Variants in TAF11L2 observed in about 807,000 individuals in gnomAD.
The protein encoded by TAF11L2 is TATA-box binding protein associated factor 11 like protein 2.
chr5:17,498,549 T>G lies in TAF11L2; in HGVS notation c.319T>G (p.Ser107Ala), dbSNP rs183508397. 583 of 398,898 alleles carry G rather than the reference T, an allele frequency of 1.5e-3. 5 individuals are homozygous for G. The East Asian group carries it at 0.018, about 13-fold the overall frequency. The allele number at this position is 398,898 out of a possible 1,614,324, so 24.7% of individuals were successfully genotyped here. A position where few individuals can be genotyped will look rare whatever the true frequency, so the allele number is the denominator to read the frequency against. The change falls in exon 1 of 1, where the codon TCC (serine) becomes GCC (alanine). Residue 107 changes from serine to alanine, a missense_variant. Coordinates refer to ENST00000639081, the Ensembl canonical transcript of TAF11L2. ...GTCTGCCATGTCTGAGGAGCAGCTG[T>G]CCCGCTACGAAGTGTGTCGCCGGTC...
chr5:17,498,321 G>C (rs1198394268), exon 1 of TAF11L2: 10 of 398,430 alleles, frequency 2.5e-5, no homozygotes, highest in Non-Finnish European at 4.0e-5. Context: ...AATCCCTGAG[G>C]ACCTAGATGG....
chr5:17,498,815 A>T (rs1405137809), exon 1 of TAF11L2: 1 of 398,636 alleles, frequency 2.5e-6, no homozygotes, highest in Non-Finnish European at 4.4e-6. Flanking sequence ...ACTACAAAAA[A>T]ATCATGTTCT....
At position 17,498,794 on chromosome 5, in the gene TAF11L2, C is replaced by G. The variant is rs1226230278; in HGVS notation, c.564C>G (p.Phe188Leu). The G allele has an allele frequency of 2.3e-5, 9 of 398,546 alleles. 2 individuals carry two copies. Among genetic ancestry groups the G allele is most frequent in the African/African-American group, 1.9e-4 (9 of 48,276 alleles). The allele number at this position is 398,546 out of a possible 1,614,324, so 24.7% of individuals were successfully genotyped here. Residue 188 changes from phenylalanine (F) to leucine (L), a missense_variant, in exon 1 of 1, where the codon TTC (phenylalanine) becomes TTG (leucine). Transcript: ENST00000639081. ...GCAGGTTAAAGCCCAAGGGCCTCTT[C>G]CCCAACAGCAACTACAAAAAAATCA...
chr5:17,498,588 G>T (rs192442397), exon 1 of TAF11L2: 4 of 398,864 alleles, frequency 1.0e-5, no homozygotes, highest in Admixed American at 4.4e-5. Context: ...TTTCCCAAAA[G>T]CATGCATTGC....
exon 1 of TAF11L2, chr5:17,498,494 A>G (rs200573486): frequency 2.8e-5 from 11 of 398,862 alleles, no homozygotes; most frequent in South Asian, 1.3e-4. Flanking sequence ...CTGTGGATGC[A>G]GAGGAGGCTC....
exon 1 of TAF11L2, chr5:17,498,516 A>G (rs1018754650): frequency 7.5e-6 from 3 of 398,668 alleles, no homozygotes; most frequent in African/African-American, 2.1e-5. Flanking sequence ...GAGGATGACA[A>G]CCCTGCTGTC....
chr5:17,498,612 T>G (rs552828014), exon 1 of TAF11L2: 37 of 398,778 alleles, frequency 9.3e-5, no homozygotes, highest in African/African-American at 6.6e-4. Context: ...TCTGATGCGG[T>G]CTATCACTGG....
At chr5:17,498,779 G>A (rs2126319100) in exon 1 of TAF11L2, 1 of 398,668 alleles carries the variant, frequency 2.5e-6, no homozygotes, top group Admixed American at 4.4e-5. Flanking sequence ...GCAGGTTAAA[G>A]CCCAAGGGCC....
exon 1 of TAF11L2, chr5:17,498,761 G>A: frequency 2.5e-6 from 1 of 398,654 alleles, no homozygotes; most frequent in Non-Finnish European, 4.4e-6. Flanking sequence ...ATTTAAGGGA[G>A]GCTGTTCGCA....
chr5:17,498,598 C>T lies in TAF11L2; in HGVS notation c.368C>T (p.Ala123Val), dbSNP rs145761587. 543 of 398,802 alleles carry T rather than the reference C, an allele frequency of 1.4e-3. 8 individuals carry two copies. Among genetic ancestry groups the T allele is most frequent in the Middle Eastern group, 8.8e-3 (14 of 1,588 alleles). The allele number at this position is 398,802 out of a possible 1,614,324, so 24.7% of individuals were successfully genotyped here. A position where few individuals can be genotyped will look rare whatever the true frequency, so the allele number is the denominator to read the frequency against. Residue 123 changes from alanine to valine, a missense_variant, in exon 1 of 1, where the codon GCG becomes GTG. Coordinates refer to ENST00000639081, the Ensembl canonical transcript of TAF11L2. ...TCAGCTTTCCCAAAAGCATGCATTG[C>T]GGGTCTGATGCGGTCTATCACTGGC... is the stretch of plus-strand genomic sequence containing the variant.
exon 1 of TAF11L2, chr5:17,498,464 AAAG>A (rs1366864882): frequency 7.5e-6 from 3 of 399,032 alleles, no homozygotes; most frequent in Non-Finnish European, 1.3e-5. Context: ...ATACCAAAGG[AAAG>A]AAGGAGAGGA....
chr5:17,498,501 G>A, exon 1 of TAF11L2: 1 of 398,892 alleles, frequency 2.5e-6, no homozygotes, highest in East Asian at 3.6e-5. Context: ...TGCAGAGGAG[G>A]CTCAGAGGAT....
exon 1 of TAF11L2, chr5:17,498,716 G>A (rs1261112272): frequency 2.5e-6 from 1 of 398,696 alleles, no homozygotes. Context: ...ACGTGTGTGA[G>A]ATGTGGGGAG....
chr5:17,498,593 C>T (rs1738266662), exon 1 of TAF11L2: 2 of 398,842 alleles, frequency 5.0e-6, no homozygotes, highest in East Asian at 7.1e-5. Flanking sequence ...CAAAAGCATG[C>T]ATTGCGGGTC....
At chr5:17,498,480 C>T (rs941663470) in exon 1 of TAF11L2, 13 of 398,898 alleles carry the variant, frequency 3.3e-5, no homozygotes, top group Middle Eastern at 6.2e-4. Context: ...GGAGAGGAAG[C>T]CCACTGTGGA....
At chr5:17,498,453 G>C (rs540286352) in exon 1 of TAF11L2, 47 of 399,196 alleles carry the variant, frequency 1.2e-4, no homozygotes, top group Non-Finnish European at 2.0e-4. Context: ...ACGGAAAACA[G>C]ATACCAAAGG....
chr5:17,498,622 G>C, exon 1 of TAF11L2: 1 of 398,766 alleles, frequency 2.5e-6, no homozygotes, highest in Non-Finnish European at 4.4e-6. Context: ...TCTATCACTG[G>C]CAGATCGGTG....
exon 1 of TAF11L2, chr5:17,498,590 A>T (rs932993789): frequency 7.5e-6 from 3 of 398,760 alleles, no homozygotes; most frequent in Admixed American, 4.4e-5. Flanking sequence ...TCCCAAAAGC[A>T]TGCATTGCGG....
In TAF11L2 at chr5:17,498,672, G is replaced by C. The variant is rs191275284; in HGVS notation, c.442G>C (p.Val148Leu). 649 of 398,790 alleles carry C rather than the reference G, an allele frequency of 1.6e-3. 16 individuals carry two copies. The highest frequency in any genetic ancestry group is 8.4e-3 in the African/African-American group (408 of 48,442). 24.7% of individuals were successfully genotyped at this position (398,790 alleles called of 1,614,324 possible). Residue 148 changes from valine to leucine, a missense_variant, in exon 1 of 1, where the codon GTC becomes CTC. By Grantham distance (32) the Val-to-Leu change is conservative. Transcript: ENST00000639081. ...GATTGCCATGGCTGGAATAGCCAAGGTCTTTGTTGGAGAGGTGGTGGAAGA... is the reference window on the plus strand; with the variant it reads ...GATTGCCATGGCTGGAATAGCCAAGCTCTTTGTTGGAGAGGTGGTGGAAGA...
Sources: gnomAD v4.1 joint callset for allele counts on GRCh38, gnomAD v4.1.1 for gene constraint, MANE v1.5 for transcripts, NCBI Gene and HGNC (gene_info 2026-07-23, HGNC 2026-07-21) for gene names.